The following ANKS1B variants were observed in gnomAD, a reference collection of about 807,000 sequenced individuals.
ANKS1B encodes ankyrin repeat and sterile alpha motif domain containing 1B.
A neutral mutation model predicts 148.3 loss-of-function variants in ANKS1B; 36 were observed. The ratio of observed to expected loss-of-function variants is 0.24; its 90% CI spans 0.19 to 0.32. The LOEUF is 0.32. Among genes scored for constraint, ANKS1B ranks in the 10% least tolerant of loss-of-function variants. The probability of loss-of-function intolerance (pLI) is 1.00; values close to 1 mark genes in which losing one functional copy is unlikely to be tolerated. For synonymous variants in ANKS1B, 542 were observed against 560.8 expected (o/e 0.97, Z 0.47); for missense variants, 1,157 against 1,542.6 (o/e 0.75, Z 4.19).
rs1268794192 is a variant in ANKS1B, at chr12:99,932,977, A to G, written c.134+51127T>C. On this transcript the variant is annotated intron_variant, in intron 1 of 26. Coordinates refer to ENST00000683438, the MANE Select transcript of ANKS1B (RefSeq NM_001352186.2). ...TAGGGGTCCAGTTTCATTCTTGTGC[A>G]TATGGATATCAAGTTTTCCCAGCAC... Among the ~76,000 whole-genome samples the G allele has an allele frequency of 2.6e-5, 4 of 152,282 alleles. No homozygotes were observed. In the East Asian group the frequency reaches 5.8e-4, roughly 22 times the overall value.
chr12:99,054,856 T>A (rs2099968553), intron 16 of ANKS1B, among the ~76,000 whole-genome samples: 1 of 152,256 alleles, frequency 6.6e-6, no homozygotes. Context: ...CTAAATGTTC[T>A]CTATTTTAAA....
chr12:99,417,436 G>A (rs2094940827), intron 11 of ANKS1B, among the ~76,000 whole-genome samples: 2 of 152,068 alleles, frequency 1.3e-5, no homozygotes, highest in East Asian at 1.9e-4. Flanking sequence ...ATACTACATT[G>A]TCTTAAGTAC....
Position 98,832,031 on chromosome 12 carries a change from T to G in ANKS1B, c.2884A>C (p.Arg962=). The part of the protein sequence containing the change: ...PQKPPRSITL[R]EPSGNHTPPQ... The stretch of plus-strand genomic sequence containing the variant: ...AGATGAATGTGCTTGGCACTTACCC[T>G]GAGGGTGATGGACCGAGGGGGCTTC... Residue 962 remains arginine (R), a splice_region_variant and synonymous_variant, in exon 18 of 27, where the codon AGG becomes CGG. Transcript: ENST00000683438. 5.0e-6 allele frequency: 8 copies of G among 1,585,884 alleles called. No homozygotes were observed. The highest frequency in any genetic ancestry group is 1.2e-5 in the South Asian group (1 of 86,512).
At chr12:99,174,914 C>A (rs1235686337) in intron 14 of ANKS1B, among the ~76,000 whole-genome samples, 1 of 152,090 alleles carries the variant, frequency 6.6e-6, no homozygotes, top group East Asian at 1.9e-4. Flanking sequence ...ATATTTTATT[C>A]TCTCTATAAA....
intron 9 of ANKS1B, among the ~76,000 whole-genome samples, chr12:99,588,921 T>G (rs2097671166): frequency 6.6e-6 from 1 of 152,198 alleles, no homozygotes; most frequent in Non-Finnish European, 1.5e-5. Flanking sequence ...TGACTTGCAT[T>G]TCCCTACCTA....
intron 12 of ANKS1B, among the ~76,000 whole-genome samples, chr12:99,308,961 A>C (rs145057804): frequency 1.3e-4 from 20 of 150,300 alleles, no homozygotes; most frequent in Admixed American, 8.0e-4. Context: ...TATAACATAT[A>C]TATAACATAT....
At chr12:98,916,682 C>G (rs80266151) in intron 17 of ANKS1B, among the ~76,000 whole-genome samples, 1,732 of 152,300 alleles carry the variant, frequency 0.011, 13 homozygotes, top group Non-Finnish European at 0.017. Context: ...CTTATCAATG[C>G]AGAGTGGTTG....
chr12:99,005,207 C>A (rs373413705), intron 17 of ANKS1B, among the ~76,000 whole-genome samples: 2 of 152,300 alleles, frequency 1.3e-5, no homozygotes, highest in South Asian at 4.1e-4. Flanking sequence ...GGAACAAATG[C>A]GGGAGCGTAG....
At chr12:99,840,629 T>C (rs554378328) in intron 1 of ANKS1B, among the ~76,000 whole-genome samples, 53 of 152,192 alleles carry the variant, frequency 3.5e-4, no homozygotes, top group African/African-American at 1.3e-3. Context: ...TGCTGACAAA[T>C]TGTGACGTGC....
intron 17 of ANKS1B, among the ~76,000 whole-genome samples, chr12:98,866,646 C>T (rs1013706519): frequency 6.6e-5 from 10 of 152,222 alleles, no homozygotes; most frequent in Admixed American, 3.3e-4. Flanking sequence ...TGGGACACTG[C>T]TTCCTCCTCA....
intron 10 of ANKS1B, among the ~76,000 whole-genome samples, chr12:99,488,828 A>AT (rs1378985849): frequency 1.3e-5 from 2 of 152,074 alleles, no homozygotes; most frequent in Admixed American, 6.5e-5. Flanking sequence ...CTGTTTTTCT[A>AT]TTTTTTCTTT....
chr12:99,268,885 C>T (rs577796071), intron 12 of ANKS1B, among the ~76,000 whole-genome samples: 37 of 152,200 alleles, frequency 2.4e-4, no homozygotes, highest in African/African-American at 6.5e-4. Flanking sequence ...TATTAGGGAA[C>T]GCCATTTGAG....
intron 8 of ANKS1B, among the ~76,000 whole-genome samples, chr12:99,707,292 C>T (rs942103745): frequency 2.0e-5 from 3 of 152,058 alleles, no homozygotes; most frequent in African/African-American, 7.2e-5. Context: ...ACGGCAACCT[C>T]AGATGACTTC....
In ANKS1B at chr12:99,400,792, A is replaced by G. The variant is rs1001934424; in HGVS notation, c.1576-981T>C. Among the ~76,000 whole-genome samples the G allele has an allele frequency of 4.1e-5, 6 of 145,192 alleles. 1 individual carries two copies. Among genetic ancestry groups the G allele is most frequent in the African/African-American group, 1.6e-4 (6 of 38,244 alleles). ...AAGTTTATTGTACTTTACTTTCTCC[A>G]AAGTACAATTAACTTTTGGTTTACT... On this transcript the variant is annotated intron_variant, in intron 11 of 26. Coordinates refer to ENST00000683438, the MANE Select transcript of ANKS1B (RefSeq NM_001352186.2).
intron 17 of ANKS1B, among the ~76,000 whole-genome samples, chr12:98,978,076 T>A (rs982885981): frequency 6.6e-5 from 10 of 152,132 alleles, no homozygotes; most frequent in African/African-American, 2.4e-4. Flanking sequence ...TAAAGTAGAT[T>A]TTTTTTTCAG....
intron 17 of ANKS1B, among the ~76,000 whole-genome samples, chr12:98,982,437 T>C (rs1220404749): frequency 6.6e-6 from 1 of 152,244 alleles, no homozygotes; most frequent in African/African-American, 2.4e-5. Flanking sequence ...ACTTTATTTT[T>C]ATCTCTAATG....
intron 12 of ANKS1B, among the ~76,000 whole-genome samples, chr12:99,266,623 A>G (rs192070554): frequency 1.2e-3 from 176 of 152,222 alleles, no homozygotes; most frequent in African/African-American, 4.0e-3. Flanking sequence ...AACATTTCGG[A>G]GGGTGTCCTT....
chr12:99,962,908 G>A (rs2095434584), intron 1 of ANKS1B, among the ~76,000 whole-genome samples: 1 of 151,550 alleles, frequency 6.6e-6, no homozygotes. Flanking sequence ...CCGCCTCCCG[G>A]GCTCACGCCA....
chr12:99,964,029 G>C (rs1055383037), intron 1 of ANKS1B, among the ~76,000 whole-genome samples: 9 of 152,012 alleles, frequency 5.9e-5, no homozygotes, highest in Admixed American at 3.3e-4. Flanking sequence ...TGATAATTAT[G>C]ATAAAGAAAG....
Sources: allele counts gnomAD v4.1 joint callset (sites outside exome capture counted in the v4.1 genomes callset), GRCh38; gene constraint gnomAD v4.1.1; transcripts MANE v1.5; gene names NCBI Gene and HGNC (gene_info 2026-07-23, HGNC 2026-07-21).